Variants in PLOD2 observed in about 807,000 individuals in gnomAD.
PLOD2 encodes procollagen-lysine,2-oxoglutarate 5-dioxygenase 2, also known as lysine hydroxylase 2.
In PLOD2, 65 loss-of-function variants were observed where a neutral mutation model predicts 101.0. The ratio of observed to expected loss-of-function variants is 0.64; its 90% CI spans 0.53 to 0.79. The LOEUF (loss-of-function observed/expected upper bound fraction) is 0.79. Ranked by LOEUF, PLOD2 falls within the 30% of genes least tolerant of loss-of-function variation. The pLI, the probability that PLOD2 is intolerant of heterozygous loss-of-function variation, is 0.00. For missense variants in PLOD2, 909 were observed against 914.6 expected, an observed-to-expected ratio of 0.99 and a Z score of 0.08; for synonymous variants, 314 against 302.9, an observed-to-expected ratio of 1.04 and a Z score of -0.38.
chr3:146,119,552 ATT>A (rs1315439690), intron 3 of PLOD2, among the ~76,000 whole-genome samples: 3 of 151,962 alleles, frequency 2.0e-5, no homozygotes, highest in Admixed American at 6.6e-5. Context: ...GTAACTTGTC[ATT>A]TAACATTAGG....
At chr3:146,083,834 G>A (rs1186104905) in intron 11 of PLOD2, among the ~76,000 whole-genome samples, 1 of 151,766 alleles carries the variant, frequency 6.6e-6, no homozygotes, top group African/African-American at 2.4e-5. Context: ...ACCCACCTTG[G>A]CCTCCCAAAG....
chr3:146,145,125 G>T (rs999205921), intron 1 of PLOD2, among the ~76,000 whole-genome samples: 1 of 152,076 alleles, frequency 6.6e-6, no homozygotes, highest in Non-Finnish European at 1.5e-5. Context: ...GATGACAAAC[G>T]TCATTTGAAG....
chr3:146,130,716 T>C (rs1164553375), intron 1 of PLOD2, among the ~76,000 whole-genome samples: 1 of 152,176 alleles, frequency 6.6e-6, no homozygotes, highest in African/African-American at 2.4e-5. Context: ...AACAAATTAC[T>C]AGTAGGGCCA....
rs752781255 is a variant in PLOD2, at chr3:146,110,365, T to C, written c.422A>G (p.Asp141Gly). Residue 141 changes from aspartate (D) to glycine (G), a missense_variant, in exon 4 of 20, where the codon GAT becomes GGT. Transcript: ENST00000282903. ...TCTTTTATCTGGCCACAAAATTCCA[T>C]CTGCTGCAAAGACCACTTTGTGGTT... ...KANHKVVFAADGILWPDKRLA... is the reference protein window; with the variant it reads ...KANHKVVFAAGGILWPDKRLA... The C allele has an allele frequency of 1.9e-6, 3 of 1,613,644 alleles. No homozygotes were observed. Among genetic ancestry groups the C allele is most frequent in the East Asian group, 4.5e-5 (2 of 44,854 alleles).
chr3:146,070,745 TATC>T lies in PLOD2; in HGVS notation c.2246_2248del (p.Arg749_Tyr750delinsAsn). ...GGGATCTATAAATGACACTGCAATG[TATC>T]TTGTTCCATTTTTAACAGGAAGTCC... On this transcript the variant is annotated inframe_deletion, in exon 20 of 20. Transcript: ENST00000282903. 1 of 1,607,550 alleles carries T rather than the reference TATC, an allele frequency of 6.2e-7. No homozygotes were observed. The highest frequency in any genetic ancestry group is 8.5e-7 in the Non-Finnish European group (1 of 1,174,766).
chr3:146,130,687 G>T (rs563944018), intron 1 of PLOD2, among the ~76,000 whole-genome samples: 8 of 152,216 alleles, frequency 5.3e-5, no homozygotes, highest in African/African-American at 1.9e-4. Flanking sequence ...TAAAGTAATC[G>T]ACTTAGCCAA....
chr3:146,154,841 T>C (rs2032226174), intron 1 of PLOD2, among the ~76,000 whole-genome samples: 1 of 152,142 alleles, frequency 6.6e-6, no homozygotes, highest in African/African-American at 2.4e-5. Context: ...AGTATGTAAA[T>C]GCATAAACCT....
chr3:146,116,553 A>T (rs1455639459), intron 3 of PLOD2, among the ~76,000 whole-genome samples: 1 of 152,192 alleles, frequency 6.6e-6, no homozygotes, highest in African/African-American at 2.4e-5. Flanking sequence ...TTACTGCAAC[A>T]CTACTTATAA....
At chr3:146,110,738 A>T (rs1335480380) in intron 3 of PLOD2, among the ~76,000 whole-genome samples, 1 of 152,170 alleles carries the variant, frequency 6.6e-6, no homozygotes, top group African/African-American at 2.4e-5. Context: ...TGAAATTCTG[A>T]AACAGCATTA....
intron 6 of PLOD2, among the ~76,000 whole-genome samples, chr3:146,103,880 C>G (rs1234952875): frequency 6.7e-6 from 1 of 150,008 alleles, no homozygotes; most frequent in African/African-American, 2.5e-5. Context: ...CTTCCCCAGT[C>G]TACTGTCTAG....
chr3:146,136,807 G>A (rs2031255252), intron 1 of PLOD2, among the ~76,000 whole-genome samples: 1 of 152,266 alleles, frequency 6.6e-6, no homozygotes, highest in African/African-American at 2.4e-5. Context: ...AAACTATATT[G>A]TCTAGGTGTG....
intron 11 of PLOD2, among the ~76,000 whole-genome samples, chr3:146,084,641 G>A (rs891042348): frequency 2.6e-5 from 4 of 152,066 alleles, no homozygotes; most frequent in African/African-American, 9.7e-5. Flanking sequence ...TAGTATCATT[G>A]TAAGCTGATA....
At chr3:146,073,442 TTATAAA>T (rs916681569) in intron 15 of PLOD2, 90 bp from the exon 16 acceptor site, 19 of 519,648 alleles carry the variant, frequency 3.7e-5, no homozygotes, top group African/African-American at 3.5e-4. Context: ...ATTATTCAAC[TTATAAA>T]TGATTATGTA....
intron 1 of PLOD2, among the ~76,000 whole-genome samples, chr3:146,154,832 G>T (rs1294677484): frequency 6.6e-6 from 1 of 152,060 alleles, no homozygotes; most frequent in Non-Finnish European, 1.5e-5. Context: ...CAGTAACTAA[G>T]TATGTAAATG....
intron 1 of PLOD2, among the ~76,000 whole-genome samples, chr3:146,125,466 G>A (rs2030495294): frequency 1.3e-5 from 2 of 152,022 alleles, no homozygotes. Flanking sequence ...GTATTTCTTG[G>A]CCAGGCACGG....
chr3:146,144,638 G>A (rs1037000975), intron 1 of PLOD2, among the ~76,000 whole-genome samples: 6 of 151,834 alleles, frequency 4.0e-5, no homozygotes, highest in Admixed American at 6.6e-5. Context: ...GCTATATATC[G>A]AATAAGGTAA....
chr3:146,110,306 T>C lies in PLOD2; in HGVS notation c.481A>G (p.Lys161Glu). 1 of 1,613,866 alleles carries C rather than the reference T, an allele frequency of 6.2e-7. No individual in the cohort carries two copies. The highest frequency in any genetic ancestry group is 8.5e-7 in the Non-Finnish European group (1 of 1,179,832). Reference sequence around the variant, plus strand: ...TCACCTCCTGAATTCAGATAGCGTTTCCCAATGTGCACAACAGGATACTTG... The same window carrying C: ...TCACCTCCTGAATTCAGATAGCGTTCCCCAATGTGCACAACAGGATACTTG... ...ADKYPVVHIG[K>E]RYLNSGGFIG... is the part of the protein sequence containing the mutation. The change falls in exon 4 of 20, where the codon AAA (lysine) becomes GAA (glutamate). Residue 161 changes from lysine (K) to glutamate (E), a missense_variant. Coordinates refer to ENST00000282903, the MANE Select transcript of PLOD2 (RefSeq NM_182943.3).
At chr3:146,158,623 TCTTAACC>T (rs984420334) in intron 1 of PLOD2, among the ~76,000 whole-genome samples, 1 of 152,130 alleles carries the variant, frequency 6.6e-6, no homozygotes, top group Non-Finnish European at 1.5e-5. Context: ...ATCCAGGGAT[TCTTAACC>T]CTGGGCAATT....
chr3:146,085,101 A>C, intron 11 of PLOD2, 68 bp downstream of exon 11: 1 of 760,900 alleles, frequency 1.3e-6, no homozygotes, highest in Non-Finnish European at 2.3e-6. Flanking sequence ...CAATTACTAC[A>C]GTATGTTCAC....
Sources: gnomAD v4.1 joint callset for allele counts (sites outside exome capture counted in the v4.1 genomes callset) on GRCh38, gnomAD v4.1.1 for gene constraint, MANE v1.5 for transcripts, NCBI Gene and HGNC (gene_info 2026-07-23, HGNC 2026-07-21) for gene names.